PRKN: variants seen among roughly 807,000 people sequenced by gnomAD.
PRKN encodes E3 ubiquitin-protein ligase parkin.
In PRKN, 56 loss-of-function variants were observed where a neutral mutation model predicts 59.5. The observed-to-expected ratio is 0.94, with a 90% CI of 0.76 to 1.18. The LOEUF (loss-of-function observed/expected upper bound fraction) is 1.18, where lower values mean the gene tolerates loss of function less well. Ranked by LOEUF, PRKN falls within the 50% of genes most tolerant of loss-of-function variation. PRKN has a pLI of 0.00. For missense variants in PRKN, 657 were observed against 596.4 expected (o/e 1.10, Z -1.06); for synonymous variants, 250 against 222.1 (o/e 1.13, Z -1.12).
intron 1 of PRKN, among the ~76,000 whole-genome samples, chr6:162,703,477 A>G (rs534583287): frequency 6.6e-6 from 1 of 152,342 alleles, no homozygotes; most frequent in South Asian, 2.1e-4. Flanking sequence ...AGAAAACTGA[A>G]CACGGTCTCA....
chr6:161,380,930 C>T (rs570616955), intron 10 of PRKN, among the ~76,000 whole-genome samples: 63 of 152,178 alleles, frequency 4.1e-4, no homozygotes, highest in Non-Finnish European at 7.5e-4. Context: ...CCCAACACCC[C>T]ACAACAAGCC....
intron 7 of PRKN, among the ~76,000 whole-genome samples, chr6:161,683,621 C>T (rs1161152253): frequency 6.6e-6 from 1 of 152,198 alleles, no homozygotes; most frequent in Non-Finnish European, 1.5e-5. Flanking sequence ...CTGACAGGAG[C>T]ACCTGTGCTG....
At chr6:162,504,351 G>C (rs1438232979) in intron 1 of PRKN, among the ~76,000 whole-genome samples, 1 of 152,164 alleles carries the variant, frequency 6.6e-6, no homozygotes, top group African/African-American at 2.4e-5. Flanking sequence ...CTTGGAAAAG[G>C]GGTTTACAAA....
intron 2 of PRKN, among the ~76,000 whole-genome samples, chr6:162,416,772 C>A (rs1788648397): frequency 6.6e-6 from 1 of 152,144 alleles, no homozygotes; most frequent in Admixed American, 6.5e-5. Flanking sequence ...TTCTACAAAG[C>A]ATTTTATCTC....
At chr6:162,389,233 A>G (rs921388511) in intron 2 of PRKN, among the ~76,000 whole-genome samples, 1 of 152,082 alleles carries the variant, frequency 6.6e-6, no homozygotes, top group Non-Finnish European at 1.5e-5. Context: ...GAGCCCAAAT[A>G]GCAAGAAGGC....
intron 2 of PRKN, among the ~76,000 whole-genome samples, chr6:162,395,780 A>G (rs1392458763): frequency 6.6e-6 from 1 of 152,156 alleles, no homozygotes; most frequent in Non-Finnish European, 1.5e-5. Flanking sequence ...TTCAAGGTGC[A>G]TATGCTTTAA....
chr6:162,610,931 C>T (rs1247435905), intron 1 of PRKN, among the ~76,000 whole-genome samples: 3 of 152,118 alleles, frequency 2.0e-5, no homozygotes, highest in Admixed American at 1.3e-4. Flanking sequence ...AACAATATCA[C>T]ATGCATCCTA....
chr6:162,288,909 G>C (rs552999103), intron 2 of PRKN, among the ~76,000 whole-genome samples: 1 of 152,182 alleles, frequency 6.6e-6, no homozygotes, highest in Non-Finnish European at 1.5e-5. Context: ...TTGAAGCTTA[G>C]GTCAGCAGTA....
intron 2 of PRKN, among the ~76,000 whole-genome samples, chr6:162,297,970 G>A (rs1781757329): frequency 6.6e-6 from 1 of 152,136 alleles, no homozygotes; most frequent in Non-Finnish European, 1.5e-5. Flanking sequence ...AGCTGTGGGT[G>A]CTAGAAGTGG....
chr6:161,592,772 A>G lies in PRKN; in HGVS notation c.872-23356T>C, dbSNP rs1378107954. ...ACCAGCACTAGGAGGACGAGGGAAC[A>G]CAAGCAGAGCAGACAGGTCTGCGGG... On this transcript the variant is annotated intron_variant, in intron 7 of 11. Coordinates refer to ENST00000366898, the MANE Select transcript of PRKN (RefSeq NM_004562.3). This position sits in a 1 kb window ranked among gnomAD's most constrained non-coding sequence, Gnocchi z 4.8. 6.6e-6 allele frequency among the ~76,000 whole-genome samples: 1 copy of G among 152,140 alleles called. No individual in the cohort carries two copies. The highest frequency in any genetic ancestry group is 2.4e-5 in the African/African-American group (1 of 41,450).
intron 7 of PRKN, among the ~76,000 whole-genome samples, chr6:161,580,145 T>C (rs1342544682): frequency 6.6e-6 from 1 of 152,230 alleles, no homozygotes; most frequent in African/African-American, 2.4e-5. Flanking sequence ...TTGAGTATAT[T>C]GTTAATTACA....
At chr6:162,047,630 C>T (rs746929722) in intron 5 of PRKN, among the ~76,000 whole-genome samples, 19 of 151,554 alleles carry the variant, frequency 1.3e-4, no homozygotes, top group Non-Finnish European at 2.1e-4. Context: ...CTAATGAAGT[C>T]TAAAACAACA....
intron 7 of PRKN, among the ~76,000 whole-genome samples, chr6:161,604,627 T>C (rs1782213472): frequency 6.6e-6 from 1 of 152,178 alleles, no homozygotes; most frequent in Non-Finnish European, 1.5e-5. Flanking sequence ...GAATGCACAG[T>C]GTTTAGGTTA....
At chr6:162,309,329 T>C (rs1253441752) in intron 2 of PRKN, among the ~76,000 whole-genome samples, 5 of 152,120 alleles carry the variant, frequency 3.3e-5, no homozygotes, top group Non-Finnish European at 7.3e-5. Flanking sequence ...CATGGCCAAC[T>C]AATTTTTGTA....
At chr6:162,010,767 A>G (rs1299829598) in intron 5 of PRKN, among the ~76,000 whole-genome samples, 1 of 6,752 alleles carries the variant, frequency 1.5e-4, no homozygotes, top group Non-Finnish European at 1.8e-4. Context: ...TATATAATAT[A>G]TTATATAATA....
At chr6:161,795,228 C>CTTTTTTTTTTTTTTT (rs58319044) in intron 6 of PRKN, among the ~76,000 whole-genome samples, 19 of 128,408 alleles carry the variant, frequency 1.5e-4, no homozygotes, top group South Asian at 2.5e-4. Context: ...GTTTTCTTTT[C>CTTTTTTTTTTTTTTT]TTTTTTTTTT....
At chr6:161,559,690 G>A (rs929198935) in intron 8 of PRKN, among the ~76,000 whole-genome samples, 2 of 152,132 alleles carry the variant, frequency 1.3e-5, no homozygotes, top group Admixed American at 6.5e-5. Flanking sequence ...AAGCAACTGC[G>A]ATGGTTTCTA....
chr6:161,861,860 C>T lies in PRKN; in HGVS notation c.735-75952G>A, dbSNP rs529053822. Among the ~76,000 whole-genome samples, 399 of 152,246 alleles carry T rather than the reference C, an allele frequency of 2.6e-3. 3 individuals carry two copies. The highest frequency in any genetic ancestry group is 4.5e-3 in the Non-Finnish European group (307 of 68,014). On this transcript the variant is annotated intron_variant, in intron 6 of 11. Coordinates refer to ENST00000366898, the MANE Select transcript of PRKN (RefSeq NM_004562.3). The stretch of plus-strand genomic sequence containing the variant: ...GACTAGATTTGTTTCCTGTCACTTC[C>T]TCAACTAATGATCACAAACTTGCTG...
At chr6:162,288,532 G>C (rs1477089847) in intron 2 of PRKN, among the ~76,000 whole-genome samples, 1 of 152,162 alleles carries the variant, frequency 6.6e-6, no homozygotes, top group Non-Finnish European at 1.5e-5. Context: ...CTCAAGTTCA[G>C]AGACATGAAG....
Sources: allele counts gnomAD v4.1 joint callset (sites outside exome capture counted in the v4.1 genomes callset), GRCh38; gene constraint gnomAD v4.1.1; non-coding constraint Gnocchi (gnomAD v3.1); transcripts MANE v1.5; gene names NCBI Gene and HGNC (gene_info 2026-07-23, HGNC 2026-07-21).